MTUS2: variants seen among roughly 807,000 people sequenced by gnomAD.
MTUS2 encodes microtubule-associated tumor suppressor candidate 2.
MTUS2 carries 40 observed loss-of-function variants against 114.1 expected under a neutral mutation model. That is an observed-to-expected ratio of 0.35 (90% CI 0.27 to 0.46). MTUS2 has a LOEUF of 0.46. MTUS2 is among the 20% of genes least tolerant of loss of function. The probability of loss-of-function intolerance (pLI) is 1.00; values close to 1 mark genes in which losing one functional copy is unlikely to be tolerated. For synonymous variants in MTUS2, 688 were observed against 672.0 expected, an observed-to-expected ratio of 1.02 and a Z score of -0.37; for missense variants, 1,679 against 1,705.4, an observed-to-expected ratio of 0.98 and a Z score of 0.27.
intron 2 of MTUS2, among the ~76,000 whole-genome samples, chr13:28,964,015 C>G (rs1290379864): frequency 6.6e-6 from 1 of 152,162 alleles, no homozygotes; most frequent in Non-Finnish European, 1.5e-5. Flanking sequence ...AAGTCTTCCC[C>G]AGGCCCTTGC....
chr13:28,919,260 T>C (rs1479747827), intron 2 of MTUS2, among the ~76,000 whole-genome samples: 1 of 152,182 alleles, frequency 6.6e-6, no homozygotes, highest in Non-Finnish European at 1.5e-5. Flanking sequence ...AAGTGCAGTG[T>C]TGCTGAAATC....
chr13:29,313,130 A>G (rs1017215513), intron 6 of MTUS2, among the ~76,000 whole-genome samples: 2 of 152,128 alleles, frequency 1.3e-5, no homozygotes, highest in African/African-American at 2.4e-5. Flanking sequence ...GTGGCCCCAG[A>G]GCTTTAGAAC....
chr13:29,140,469 AAGG>A (rs1317680194), intron 5 of MTUS2, among the ~76,000 whole-genome samples: 2 of 152,190 alleles, frequency 1.3e-5, no homozygotes, highest in Non-Finnish European at 2.9e-5. Context: ...CAGCGTAGTG[AAGG>A]AGAACAGAAA....
At chr13:29,355,457 G>A (rs1396844167) in intron 7 of MTUS2, among the ~76,000 whole-genome samples, 2 of 152,238 alleles carry the variant, frequency 1.3e-5, no homozygotes, top group African/African-American at 2.4e-5. Flanking sequence ...CCAAACCAGC[G>A]AGATCTGTTA....
intron 2 of MTUS2, among the ~76,000 whole-genome samples, chr13:28,965,003 GC>G (rs1883513918): frequency 1.3e-5 from 2 of 152,058 alleles, no homozygotes; most frequent in South Asian, 4.1e-4. Context: ...TAGCTGATGA[GC>G]AGCGCAGTAA....
At chr13:29,046,886 G>A (rs376674176) in intron 4 of MTUS2, among the ~76,000 whole-genome samples, 11 of 151,648 alleles carry the variant, frequency 7.3e-5, no homozygotes, top group African/African-American at 2.2e-4. Flanking sequence ...TTTCTTTTAC[G>A]TGCCCACCTT....
chr13:29,085,292 C>A (rs1177614398), intron 4 of MTUS2, among the ~76,000 whole-genome samples: 1 of 152,120 alleles, frequency 6.6e-6, no homozygotes, highest in Non-Finnish European at 1.5e-5. Context: ...TACTTTTCAA[C>A]TTTTATTTTA....
chr13:29,278,496 A>G (rs183336770), intron 5 of MTUS2, among the ~76,000 whole-genome samples: 22 of 152,314 alleles, frequency 1.4e-4, no homozygotes, highest in African/African-American at 5.3e-4. Context: ...TGGAAGAGAA[A>G]AACTTGAGTA....
intron 2 of MTUS2, among the ~76,000 whole-genome samples, chr13:28,988,383 G>C (rs1489480908): frequency 1.3e-5 from 2 of 152,182 alleles, no homozygotes; most frequent in Admixed American, 1.3e-4. Context: ...AAATCTGTTT[G>C]TTCCCGGGGA....
rs1448506901 is a variant in MTUS2, at chr13:29,503,405, G to A, written c.*199G>A. The A allele has an allele frequency of 3.3e-6, 2 of 615,046 alleles. No individual in the cohort carries two copies. The highest frequency in any genetic ancestry group is 3.7e-5 in the African/African-American group (2 of 54,176). The allele number at this position is 615,046 out of a possible 1,614,324, so 38.1% of individuals were successfully genotyped here. A position where few individuals can be genotyped will look rare whatever the true frequency, so the allele number is the denominator to read the frequency against. ...TAGGAATGTGTAAATGGTAAAGTCT[G>A]ATGTGCAAACGTTTTACCATAGTTA... is the stretch of plus-strand genomic sequence containing the variant. On this transcript the variant is annotated 3_prime_UTR_variant, in exon 16 of 16. Transcript: ENST00000612955.
chr13:28,967,558 A>G (rs138564963), intron 2 of MTUS2, among the ~76,000 whole-genome samples: 14 of 152,302 alleles, frequency 9.2e-5, no homozygotes, highest in African/African-American at 3.1e-4. Flanking sequence ...TTGTCATGGA[A>G]AAGCTTCTAT....
At chr13:28,874,452 G>A (rs1307722317) in intron 2 of MTUS2, among the ~76,000 whole-genome samples, 1 of 152,186 alleles carries the variant, frequency 6.6e-6, no homozygotes, top group African/African-American at 2.4e-5. Flanking sequence ...GGAAGGACTT[G>A]GCTAGGTGGC....
intron 2 of MTUS2, among the ~76,000 whole-genome samples, chr13:28,928,839 C>T (rs563660763): frequency 6.6e-6 from 1 of 152,262 alleles, no homozygotes; most frequent in African/African-American, 2.4e-5. Flanking sequence ...TAAGTGCCTA[C>T]TAATGGATGA....
chr13:29,328,177 T>C (rs1317619746), intron 7 of MTUS2, among the ~76,000 whole-genome samples: 1 of 138,656 alleles, frequency 7.2e-6, no homozygotes, highest in African/African-American at 2.5e-5. Context: ...ACAAAAATAG[T>C]ATTCATTTTC....
intron 8 of MTUS2, among the ~76,000 whole-genome samples, chr13:29,361,534 T>G (rs1295689355): frequency 6.6e-6 from 1 of 152,096 alleles, no homozygotes; most frequent in Non-Finnish European, 1.5e-5. Context: ...GCATGCCATG[T>G]AGTTTAAGGT....
At chr13:29,398,514 T>G (rs1012506587) in intron 8 of MTUS2, among the ~76,000 whole-genome samples, 7 of 147,054 alleles carry the variant, frequency 4.8e-5, no homozygotes, top group Non-Finnish European at 1.1e-4. Context: ...AGCGAAAAAT[T>G]AAGAGTTTCC....
intron 2 of MTUS2, among the ~76,000 whole-genome samples, chr13:28,978,532 C>T (rs954875126): frequency 6.6e-6 from 1 of 152,204 alleles, no homozygotes; most frequent in Admixed American, 6.5e-5. Flanking sequence ...TATGTAAACT[C>T]TTACAGTGTT....
At chr13:29,078,692 G>A (rs2138719572) in intron 4 of MTUS2, among the ~76,000 whole-genome samples, 1 of 152,182 alleles carries the variant, frequency 6.6e-6, no homozygotes, top group South Asian at 2.1e-4. Context: ...TCTCTATTTT[G>A]GGCATTTCGT....
chr13:28,991,652 G>A (rs1337455278), intron 2 of MTUS2, among the ~76,000 whole-genome samples: 1 of 152,198 alleles, frequency 6.6e-6, no homozygotes. Context: ...ACAGGCGTGA[G>A]CCACCGCGCC....
Sources: allele counts gnomAD v4.1 joint callset (sites outside exome capture counted in the v4.1 genomes callset), GRCh38; gene constraint gnomAD v4.1.1; transcripts MANE v1.5; gene names NCBI Gene and HGNC (gene_info 2026-07-23, HGNC 2026-07-21).